The following PAWR variants were observed in gnomAD, a reference collection of about 807,000 sequenced individuals.
The protein encoded by PAWR is pro-apoptotic WT1 regulator.
Under a neutral mutation model 32.0 loss-of-function variants are expected in PAWR, and 23 were observed. The ratio of observed to expected loss-of-function variants is 0.72; its 90% CI spans 0.52 to 1.02. The LOEUF is 1.02. PAWR is among the 50% of genes least tolerant of loss of function. PAWR has a pLI of 0.00. For missense variants in PAWR, 457 were observed against 437.7 expected, an observed-to-expected ratio of 1.04 and a Z score of -0.39; for synonymous variants, 226 against 187.1, an observed-to-expected ratio of 1.21 and a Z score of -1.70.
At chr12:79,621,593 A>C (rs1321669441) in intron 2 of PAWR, among the ~76,000 whole-genome samples, 1 of 152,306 alleles carries the variant, frequency 6.6e-6, no homozygotes, top group African/African-American at 2.4e-5. Context: ...TAGGAAAGAT[A>C]ATACATATAT....
chr12:79,622,701 T>G (rs1245610093), intron 2 of PAWR, among the ~76,000 whole-genome samples: 1 of 152,136 alleles, frequency 6.6e-6, no homozygotes, highest in Non-Finnish European at 1.5e-5. Flanking sequence ...TGAGATTTGG[T>G]GTCACCTGGC....
chr12:79,594,729 A>G (rs1033039500), intron 5 of PAWR, among the ~76,000 whole-genome samples: 96 of 146,410 alleles, frequency 6.6e-4, no homozygotes, highest in Non-Finnish European at 9.9e-4. Flanking sequence ...GTGTGTGTGT[A>G]TGTATGTATG....
intron 2 of PAWR, among the ~76,000 whole-genome samples, chr12:79,640,566 C>T (rs1490295328): frequency 1.9e-5 from 2 of 107,806 alleles, no homozygotes; most frequent in Non-Finnish European, 3.0e-5. Context: ...CATGACAAAA[C>T]TCTGTCTCTA....
At chr12:79,679,816 T>C (rs1413431748) in intron 2 of PAWR, among the ~76,000 whole-genome samples, 1 of 152,204 alleles carries the variant, frequency 6.6e-6, no homozygotes, top group Admixed American at 6.5e-5. Context: ...GCTCAAAACA[T>C]CCAGTTATGT....
At chr12:79,646,742 T>C (rs536065970) in intron 2 of PAWR, among the ~76,000 whole-genome samples, 2 of 152,258 alleles carry the variant, frequency 1.3e-5, no homozygotes, top group African/African-American at 4.8e-5. Context: ...TCAATACAAT[T>C]AGGTAGTACA....
At chr12:79,606,082 C>A (rs1319945705) in intron 4 of PAWR, among the ~76,000 whole-genome samples, 1 of 151,942 alleles carries the variant, frequency 6.6e-6, no homozygotes, top group African/African-American at 2.4e-5. Context: ...TAAAAACAAA[C>A]AAACAAACAA....
chr12:79,659,107 C>T (rs1337085062), intron 2 of PAWR, among the ~76,000 whole-genome samples: 1 of 152,082 alleles, frequency 6.6e-6, no homozygotes, highest in African/African-American at 2.4e-5. Context: ...ACCATCCTGG[C>T]TAACACGGTG....
intron 2 of PAWR, among the ~76,000 whole-genome samples, chr12:79,669,271 T>C (rs73345547): frequency 0.02 from 3,003 of 152,198 alleles, 103 homozygotes; most frequent in African/African-American, 0.068. Flanking sequence ...TAAAAAGTAA[T>C]TTGCAAAATA....
At position 79,590,173 on chromosome 12, in the gene PAWR, C is replaced by T. The variant is rs1873506824; in HGVS notation, c.*2434G>A. ...TGTTCCCCAAAAAATTCTTAAACAG[C>T]TCAGTCTTTAAAAGTATTAATAATT... On this transcript the variant is annotated 3_prime_UTR_variant, in exon 7 of 7. Transcript: ENST00000328827. The T allele has an allele frequency of 1.3e-5, 2 of 151,694 alleles. No homozygotes were observed. The highest frequency in any genetic ancestry group is 4.2e-4 in the South Asian group (2 of 4,816). 9.4% of individuals were successfully genotyped at this position (151,694 alleles called of 1,614,324 possible).
rs138217845 is a variant in PAWR at position 79,620,528 on chromosome 12, C to A, written c.648+548G>T. On this transcript the variant is annotated intron_variant, in intron 3 of 6. Coordinates refer to ENST00000328827, the MANE Select transcript of PAWR (RefSeq NM_002583.4). ...TTTCTACAAAGCAGGGAAGGTAAGG[C>A]CTCATTTGTGAGGCAAGGTCAGAAA... Among the ~76,000 whole-genome samples, 624 of 152,290 alleles carry A rather than the reference C, an allele frequency of 4.1e-3. 12 individuals are homozygous for A. Among genetic ancestry groups the A allele is most frequent in the African/African-American group, 0.014 (592 of 41,562 alleles).
At chr12:79,619,949 G>A (rs948047041) in intron 3 of PAWR, among the ~76,000 whole-genome samples, 6 of 152,142 alleles carry the variant, frequency 3.9e-5, no homozygotes, top group African/African-American at 1.4e-4. Flanking sequence ...CAGGTACAGT[G>A]GCAGATCAGA....
At chr12:79,605,197 T>C (rs1874124993) in intron 4 of PAWR, among the ~76,000 whole-genome samples, 1 of 152,158 alleles carries the variant, frequency 6.6e-6, no homozygotes, top group Non-Finnish European at 1.5e-5. Flanking sequence ...AGCAATATAT[T>C]ATAGTTTTTA....
At chr12:79,631,630 TAA>T (rs1487692892) in intron 2 of PAWR, among the ~76,000 whole-genome samples, 1 of 152,150 alleles carries the variant, frequency 6.6e-6, no homozygotes, top group South Asian at 2.1e-4. Flanking sequence ...AAGAAAAATT[TAA>T]AAGACCTCAG....
chr12:79,618,947 T>G (rs925962380), intron 3 of PAWR, among the ~76,000 whole-genome samples: 1 of 152,090 alleles, frequency 6.6e-6, no homozygotes, highest in Non-Finnish European at 1.5e-5. Context: ...TTTTCCCTTA[T>G]CCAAGCTTTC....
chr12:79,649,255 A>G (rs192948411), intron 2 of PAWR, among the ~76,000 whole-genome samples: 122 of 152,308 alleles, frequency 8.0e-4, no homozygotes, highest in African/African-American at 2.9e-3. Context: ...CTATATGAAG[A>G]GGTCAGATTT....
At chr12:79,659,980 G>C (rs940217739) in intron 2 of PAWR, among the ~76,000 whole-genome samples, 3 of 152,162 alleles carry the variant, frequency 2.0e-5, no homozygotes, top group Non-Finnish European at 4.4e-5. Flanking sequence ...ACTAGACAAG[G>C]CTGCAGGAAA....
At position 79,636,070 on chromosome 12, in the gene PAWR, A is replaced by G. The variant is rs192817894; in HGVS notation, c.517-14863T>C. Among the ~76,000 whole-genome samples the G allele has an allele frequency of 6.4e-4, 98 of 152,272 alleles. 2 individuals are homozygous for G. In the East Asian group the frequency reaches 9.1e-3, roughly 14 times the overall value. ...TAAAACATGCTGCTTTTGAAAGACT[A>G]ACCTTACAGTGATATATATGTTAAA... On this transcript the variant is annotated intron_variant, in intron 2 of 6. Coordinates refer to ENST00000328827, the MANE Select transcript of PAWR (RefSeq NM_002583.4).
intron 2 of PAWR, among the ~76,000 whole-genome samples, chr12:79,670,186 T>C (rs1312312971): frequency 6.6e-6 from 1 of 152,184 alleles, no homozygotes; most frequent in Non-Finnish European, 1.5e-5. Flanking sequence ...TAAAAAGCCA[T>C]GTAAACAGTT....
chr12:79,617,126 C>T (rs887777381), intron 3 of PAWR, among the ~76,000 whole-genome samples: 8 of 152,140 alleles, frequency 5.3e-5, no homozygotes, highest in African/African-American at 1.4e-4. Flanking sequence ...GGGAGGCCAA[C>T]GCAGGAAGAT....
Sources: gnomAD v4.1 joint callset for allele counts (sites outside exome capture counted in the v4.1 genomes callset) on GRCh38, gnomAD v4.1.1 for gene constraint, MANE v1.5 for transcripts, NCBI Gene and HGNC (gene_info 2026-07-23, HGNC 2026-07-21) for gene names.